Variants in SMARCAL1 observed in about 807,000 individuals in gnomAD.
The protein encoded by SMARCAL1 is ATP-driven annealing helicase.
Under a neutral mutation model 94.5 loss-of-function variants are expected in SMARCAL1, and 58 were observed. The observed-to-expected ratio is 0.61, with a 90% CI of 0.50 to 0.76. SMARCAL1 has a LOEUF of 0.76. Among genes scored for constraint, SMARCAL1 ranks in the 30% least tolerant of loss-of-function variants. The pLI is 0.00. For missense variants in SMARCAL1, 1,051 were observed against 1,177.9 expected, an observed-to-expected ratio of 0.89 and a Z score of 1.58; for synonymous variants, 422 against 455.1, an observed-to-expected ratio of 0.93 and a Z score of 0.93.
intron 3 of SMARCAL1, among the ~76,000 whole-genome samples, chr2:216,415,716 G>T (rs543575981): frequency 2.7e-4 from 41 of 152,250 alleles, no homozygotes; most frequent in African/African-American, 9.6e-4. Flanking sequence ...TGGTTGTCAC[G>T]TGGCCATCTG....
chr2:216,436,590 A>G (rs991980092), intron 9 of SMARCAL1, among the ~76,000 whole-genome samples: 2 of 152,252 alleles, frequency 1.3e-5, no homozygotes, highest in African/African-American at 2.4e-5. Flanking sequence ...GATATAGGTA[A>G]TGAGTCTTTG....
Position 216,475,286 on chromosome 2 carries a change from C to T in SMARCAL1, c.2262C>T (p.Arg754=). The change falls in exon 15 of 18, where the codon CGC becomes CGT. Residue 754 remains arginine, a synonymous_variant. Coordinates refer to ENST00000357276, the MANE Select transcript of SMARCAL1 (RefSeq NM_014140.4). The surrounding 1 kb of genome is among the most constrained non-coding windows in gnomAD (Gnocchi z 4.4). ...ELERKHVQHI[R]IDGSTSSAER... ...TCCTGCAGCACGTGCAGCACATCCG[C>T]ATCGATGGCTCCACCTCATCAGCTG... 6.2e-7 allele frequency: 1 copy of T among 1,614,216 alleles called. No homozygotes were observed. The highest frequency in any genetic ancestry group is 1.1e-5 in the South Asian group (1 of 91,090).
intron 10 of SMARCAL1, among the ~76,000 whole-genome samples, chr2:216,441,101 A>T (rs1262148193): frequency 6.6e-6 from 1 of 152,252 alleles, no homozygotes; most frequent in East Asian, 1.9e-4. Context: ...TAATATGAAC[A>T]TCTCTTAGAA....
chr2:216,475,584 C>T lies in SMARCAL1; in HGVS notation c.2427+133C>T. 2 of 924,532 alleles carry T rather than the reference C, an allele frequency of 2.2e-6. No individual in the cohort carries two copies. Among genetic ancestry groups the T allele is most frequent in the South Asian group, 1.4e-5 (1 of 73,326 alleles). The allele number at this position is 924,532 out of a possible 1,614,324, so 57.3% of individuals were successfully genotyped here. On this transcript the variant is annotated intron_variant, in intron 15 of 17. Transcript: ENST00000357276. This position sits in a 1 kb window ranked among gnomAD's most constrained non-coding sequence, Gnocchi z 4.4. Reference sequence around the variant, plus strand: ...TATACTTCCCACAAGTCAGTTTTCACTTCCTTTAAGCACTTCTATGTTGAT... The same window carrying T: ...TATACTTCCCACAAGTCAGTTTTCATTTCCTTTAAGCACTTCTATGTTGAT...
Position 216,435,367 on chromosome 2 carries a change from C to A in SMARCAL1, c.1515C>A (p.Ser505Arg). The A allele has an allele frequency of 1.2e-6, 2 of 1,614,054 alleles. No individual in the cohort carries two copies. The highest frequency in any genetic ancestry group is 1.3e-5 in the African/African-American group (1 of 74,984). ...TCCTTCGGTGGCTGCCATCTCTGAG[C>A]CCAGATTGCATCAACGTCGTGGTGA... The part of the protein sequence containing the change: ...QAFLRWLPSL[S>R]PDCINVVVTG... The change falls in exon 9 of 18, where the codon AGC (serine) becomes AGA (arginine). Residue 505 changes from serine (S) to arginine (R), a missense_variant. Ser to Arg is a moderately radical substitution (Grantham distance 110, BLOSUM62 -1). This residue lies in a region of SMARCAL1 where 642 missense variants were observed against 754.7 expected (regional missense o/e 0.85). Coordinates refer to ENST00000357276, the MANE Select transcript of SMARCAL1 (RefSeq NM_014140.4).
At chr2:216,476,592 C>T (rs924463282) in intron 15 of SMARCAL1, among the ~76,000 whole-genome samples, 1 of 152,152 alleles carries the variant, frequency 6.6e-6, no homozygotes, top group African/African-American at 2.4e-5. Context: ...GGATTACAGG[C>T]GTGAGCCACC....
intron 6 of SMARCAL1, among the ~76,000 whole-genome samples, chr2:216,428,252 A>T (rs904924902): frequency 1.3e-5 from 2 of 152,054 alleles, no homozygotes; most frequent in Admixed American, 6.6e-5. Context: ...TTCTCCCAAG[A>T]ATTATGTGTT....
Position 216,482,761 on chromosome 2 carries a change from C to T in SMARCAL1, c.2649C>T (p.Tyr883=), listed in dbSNP as rs182217350. The change falls in exon 18 of 18, where the codon TAC becomes TAT. Residue 883 remains tyrosine (Y), a synonymous_variant. Transcript: ENST00000357276. This position sits in a 1 kb window ranked among gnomAD's most constrained non-coding sequence, Gnocchi z 4.3. ...LYKDPKQQKI[Y]DLFQKSFEKE... is the part of the protein sequence containing the mutation. Reference sequence around the variant, plus strand: ...AGGACCCAAAGCAGCAGAAGATCTACGACCTATTCCAGAAGTCCTTTGAGA... The same window carrying T: ...AGGACCCAAAGCAGCAGAAGATCTATGACCTATTCCAGAAGTCCTTTGAGA... 1.0e-4 allele frequency: 168 copies of T among 1,614,104 alleles called. No individual in the cohort carries two copies. The East Asian group carries it at 1.1e-3, about 10-fold the overall frequency.
Position 216,415,465 on chromosome 2 carries a change from A to T in SMARCAL1, c.761A>T (p.Tyr254Phe). 6.2e-7 allele frequency: 1 copy of T among 1,614,194 alleles called. No individual in the cohort carries two copies. The change falls in exon 3 of 18, where the codon TAC (tyrosine) becomes TTC (phenylalanine). Residue 254 changes from tyrosine (Y) to phenylalanine (F), a missense_variant. Physicochemically the swap from Tyr to Phe is conservative, Grantham distance 22. Transcript: ENST00000357276. Reference sequence around the variant, plus strand: ...GATCGTTTCCAGGTGTTGATTGGGTACAATGCGGAACTCATTGCAGTGTTT... The same window carrying T: ...GATCGTTTCCAGGTGTTGATTGGGTTCAATGCGGAACTCATTGCAGTGTTT... ...NGDRFQVLIGYNAELIAVFKT... is the reference protein window; with the variant it reads ...NGDRFQVLIGFNAELIAVFKT...
At position 216,435,656 on chromosome 2, in the gene SMARCAL1, C is replaced by T. The variant is rs570227182; in HGVS notation, c.1644+160C>T. 2.0e-5 allele frequency among the ~76,000 whole-genome samples: 3 copies of T among 152,250 alleles called. No homozygotes were observed. The South Asian group carries it at 6.2e-4, about 32-fold the overall frequency. ...TTTTGTGGGGAACTGGAAATTCATTCCCCTCAAATAGCCATTCTCAACTCT... is the reference window on the plus strand; with the variant it reads ...TTTTGTGGGGAACTGGAAATTCATTTCCCTCAAATAGCCATTCTCAACTCT... On this transcript the variant is annotated intron_variant, in intron 9 of 17. Coordinates refer to ENST00000357276, the MANE Select transcript of SMARCAL1 (RefSeq NM_014140.4).
intron 14 of SMARCAL1, among the ~76,000 whole-genome samples, chr2:216,474,575 T>C (rs913399292): frequency 6.7e-6 from 1 of 150,288 alleles, no homozygotes; most frequent in African/African-American, 2.4e-5. Flanking sequence ...GCCAACATAG[T>C]GGAACCACGC....
chr2:216,471,922 A>C (rs1983218), intron 14 of SMARCAL1, among the ~76,000 whole-genome samples: 35,134 of 152,144 alleles, frequency 0.23, 5,023 homozygotes, highest in Non-Finnish European at 0.3. Context: ...GTGGTTCCTA[A>C]CTTTGGAGAT....
chr2:216,416,166 G>A (rs1280806775), intron 3 of SMARCAL1, 91 bp from the exon 4 acceptor site: 6 of 1,081,382 alleles, frequency 5.5e-6, no homozygotes, highest in Non-Finnish European at 8.6e-6. Flanking sequence ...TTTGAACTTG[G>A]CGTCCTTCAT....
intron 5 of SMARCAL1, 109 bp downstream of exon 5, chr2:216,420,641 A>T: frequency 1.2e-6 from 1 of 838,424 alleles, no homozygotes. Flanking sequence ...CTTGGGAAAG[A>T]CTTCCTGTTC....
At chr2:216,472,662 G>GAAA (rs35081222) in intron 14 of SMARCAL1, among the ~76,000 whole-genome samples, 58 of 145,904 alleles carry the variant, frequency 4.0e-4, no homozygotes, top group Admixed American at 8.9e-4. Context: ...CTCCCAGTAG[G>GAAA]AAAAAAAAAA....
At chr2:216,463,945 G>A (rs1428218313) in intron 12 of SMARCAL1, among the ~76,000 whole-genome samples, 2 of 152,234 alleles carry the variant, frequency 1.3e-5, no homozygotes, top group Non-Finnish European at 2.9e-5. Context: ...CGGAGGCTGA[G>A]ACGGGAGAAT....
chr2:216,419,088 T>A (rs1166985373), intron 4 of SMARCAL1, among the ~76,000 whole-genome samples: 3 of 152,214 alleles, frequency 2.0e-5, no homozygotes, highest in Admixed American at 2.0e-4. Flanking sequence ...CGTACCTAAG[T>A]TTTTGTCTGT....
Position 216,432,851 on chromosome 2 carries a change from C to T in SMARCAL1, c.1468C>T (p.Arg490Cys), listed in dbSNP as rs371394232. ...PLLVVVPSSV[R>C]FTWEQAFLRW... ...CCTGGTGGTGGTGCCATCCTCCGTG[C>T]GCTTCACCTGGGAGCAGGTTAATGG... Residue 490 changes from arginine to cysteine, a missense_variant, in exon 8 of 18, where the codon CGC (arginine) becomes TGC (cysteine). Coordinates refer to ENST00000357276, the MANE Select transcript of SMARCAL1 (RefSeq NM_014140.4). The T allele has an allele frequency of 1.4e-4, 221 of 1,614,100 alleles. No individual in the cohort carries two copies. Among genetic ancestry groups the T allele is most frequent in the Non-Finnish European group, 1.7e-4 (206 of 1,180,056 alleles).
chr2:216,464,192 G>A (rs1252699664), intron 12 of SMARCAL1, among the ~76,000 whole-genome samples: 2 of 152,222 alleles, frequency 1.3e-5, no homozygotes, highest in Non-Finnish European at 2.9e-5. Flanking sequence ...GAAGCAAAAA[G>A]CAAGTTGGGG....
Sources: allele counts gnomAD v4.1 joint callset (sites outside exome capture counted in the v4.1 genomes callset), GRCh38; gene constraint gnomAD v4.1.1; regional missense constraint gnomAD v4.1.1; non-coding constraint Gnocchi (gnomAD v3.1); transcripts MANE v1.5; gene names NCBI Gene and HGNC (gene_info 2026-07-23, HGNC 2026-07-21).